The following MAGI2 variants were observed in gnomAD, a reference collection of about 807,000 sequenced individuals.
MAGI2 encodes the protein membrane-associated guanylate kinase, WW and PDZ domain-containing protein 2.
In MAGI2, 35 loss-of-function variants were observed where a neutral mutation model predicts 133.3. The ratio of observed to expected loss-of-function variants is 0.26; its 90% CI spans 0.20 to 0.35. The LOEUF (loss-of-function observed/expected upper bound fraction) is 0.35. MAGI2 is among the 10% of genes least tolerant of loss of function. The pLI, the probability that MAGI2 is intolerant of heterozygous loss-of-function variation, is 1.00. For synonymous variants in MAGI2, 729 were observed against 710.6 expected, an observed-to-expected ratio of 1.03 and a Z score of -0.41; for missense variants, 1,636 against 1,863.4, an observed-to-expected ratio of 0.88 and a Z score of 2.25.
chr7:78,576,795 T>C (rs934656443), intron 3 of MAGI2, among the ~76,000 whole-genome samples: 1 of 152,156 alleles, frequency 6.6e-6, no homozygotes, highest in African/African-American at 2.4e-5. Flanking sequence ...GTCTTCCATG[T>C]CATGTAAAAC....
chr7:79,354,913 C>T (rs10273381), intron 1 of MAGI2, among the ~76,000 whole-genome samples: 8 of 152,072 alleles, frequency 5.3e-5, no homozygotes, highest in Non-Finnish European at 1.0e-4. Context: ...TGGCTTTTTC[C>T]CCTGGACCCA....
In MAGI2 at chr7:79,361,895, C is replaced by T. The variant is rs895516218; in HGVS notation, c.301+91125G>A. ...AATATAAATGAAAACAAAAACATAA[C>T]ATATAAAAATATATGGGAAGCAGCT... On this transcript the variant is annotated intron_variant, in intron 1 of 21. Transcript: ENST00000354212. Among the ~76,000 whole-genome samples the T allele has an allele frequency of 9.9e-5, 15 of 151,794 alleles. No individual in the cohort carries two copies. The East Asian group carries it at 2.9e-3, about 29-fold the overall frequency.
chr7:78,799,323 T>C (rs1216126345), intron 2 of MAGI2, among the ~76,000 whole-genome samples: 3 of 152,172 alleles, frequency 2.0e-5, no homozygotes, highest in African/African-American at 7.2e-5. Context: ...GTTTGGCCTT[T>C]ATGAGCACCA....
At chr7:78,755,223 T>G (rs996876089) in intron 2 of MAGI2, among the ~76,000 whole-genome samples, 1 of 152,218 alleles carries the variant, frequency 6.6e-6, no homozygotes, top group Non-Finnish European at 1.5e-5. Flanking sequence ...TTTGTAAGTA[T>G]GTACGGTGGA....
intron 2 of MAGI2, among the ~76,000 whole-genome samples, chr7:78,702,957 C>T (rs367727450): frequency 1.3e-5 from 2 of 151,798 alleles, no homozygotes; most frequent in African/African-American, 4.8e-5. Flanking sequence ...AAAAGAATCA[C>T]CCAAGAAGAG....
chr7:78,626,700 C>G (rs1440269153), intron 3 of MAGI2, among the ~76,000 whole-genome samples: 2 of 151,754 alleles, frequency 1.3e-5, no homozygotes, highest in Non-Finnish European at 2.9e-5. Flanking sequence ...TTTGAGAAAG[C>G]CACACAGGGA....
chr7:78,212,994 C>G (rs1474559140), intron 10 of MAGI2, among the ~76,000 whole-genome samples: 1 of 152,168 alleles, frequency 6.6e-6, no homozygotes, highest in Non-Finnish European at 1.5e-5. Context: ...CTATTGTCCT[C>G]TGATATTTAG....
At chr7:79,150,325 G>A (rs1344809468) in intron 1 of MAGI2, among the ~76,000 whole-genome samples, 1 of 151,104 alleles carries the variant, frequency 6.6e-6, no homozygotes, top group East Asian at 1.9e-4. Flanking sequence ...TCCCAAAATA[G>A]CCAATGTTAA....
chr7:79,287,447 T>C (rs1836102790), intron 1 of MAGI2, among the ~76,000 whole-genome samples: 1 of 152,080 alleles, frequency 6.6e-6, no homozygotes, highest in Non-Finnish European at 1.5e-5. Context: ...TTGTGCAGAA[T>C]TGGGAGAGGG....
At position 78,350,929 on chromosome 7, in the gene MAGI2, G is replaced by A. The variant is rs1391714105; in HGVS notation, c.1104-4886C>T. ...GTTTTTGGAGACAGGCTCTTTTAGT[G>A]CATAGTCGTGGATGACACCTTTGCA... is the stretch of plus-strand genomic sequence containing the variant. On this transcript the variant is annotated intron_variant, in intron 7 of 21. Coordinates refer to ENST00000354212, the MANE Select transcript of MAGI2 (RefSeq NM_012301.4). 3.3e-5 allele frequency among the ~76,000 whole-genome samples: 5 copies of A among 152,274 alleles called. No individual in the cohort carries two copies. In the East Asian group the frequency reaches 9.6e-4, roughly 29 times the overall value.
chr7:78,559,170 C>CAAAAAAAAAAAAAAAAAA (rs1563168332), intron 3 of MAGI2, among the ~76,000 whole-genome samples: 1 of 32,598 alleles, frequency 3.1e-5, no homozygotes, highest in Non-Finnish European at 6.8e-5. Context: ...AAAAAAAAGC[C>CAAAAAAAAAAAAAAAAAA]AAAAAGAAAA....
chr7:78,528,419 A>G (rs1345471885), intron 3 of MAGI2, among the ~76,000 whole-genome samples: 1 of 152,212 alleles, frequency 6.6e-6, no homozygotes, highest in Non-Finnish European at 1.5e-5. Context: ...AAACTTTAAG[A>G]CATGTTTAAC....
At chr7:78,302,314 A>G (rs1797900052) in intron 9 of MAGI2, among the ~76,000 whole-genome samples, 1 of 152,196 alleles carries the variant, frequency 6.6e-6, no homozygotes, top group South Asian at 2.1e-4. Flanking sequence ...AGAGAAAAAA[A>G]ATTCAAAGAG....
intron 2 of MAGI2, among the ~76,000 whole-genome samples, chr7:78,989,879 C>G (rs1390421558): frequency 6.6e-6 from 1 of 151,956 alleles, no homozygotes; most frequent in Non-Finnish European, 1.5e-5. Context: ...ACTTTGCACT[C>G]TATTATCTAT....
At chr7:78,838,284 C>A (rs769680789) in intron 2 of MAGI2, among the ~76,000 whole-genome samples, 12 of 151,838 alleles carry the variant, frequency 7.9e-5, no homozygotes, top group Non-Finnish European at 1.3e-4. Flanking sequence ...AAAACTTGAA[C>A]ACGGCATGTA....
At chr7:78,159,346 C>T (rs552162821) in intron 16 of MAGI2, among the ~76,000 whole-genome samples, 1 of 152,158 alleles carries the variant, frequency 6.6e-6, no homozygotes, top group Non-Finnish European at 1.5e-5. Context: ...CTCCCCCACC[C>T]CCAACCCTTT....
Position 79,135,227 on chromosome 7 carries a change from G to A in MAGI2, c.302-128021C>T, listed in dbSNP as rs576116263. Among the ~76,000 whole-genome samples the A allele has an allele frequency of 1.6e-3, 247 of 151,604 alleles. 2 individuals carry two copies. Among genetic ancestry groups the A allele is most frequent in the African/African-American group, 5.5e-3 (228 of 41,260 alleles). On this transcript the variant is annotated intron_variant, in intron 1 of 21. Coordinates refer to ENST00000354212, the MANE Select transcript of MAGI2 (RefSeq NM_012301.4). The stretch of plus-strand genomic sequence containing the variant: ...TTGAGTGAGATAGTAAAAACTGTAG[G>A]AAAAAAAACAGTATCAGGGAAATGG...
chr7:79,143,482 C>T (rs980190351), intron 1 of MAGI2, among the ~76,000 whole-genome samples: 20 of 152,172 alleles, frequency 1.3e-4, no homozygotes, highest in African/African-American at 4.3e-4. Flanking sequence ...AGCACCTGTT[C>T]TGTCCAATTT....
intron 1 of MAGI2, among the ~76,000 whole-genome samples, chr7:79,445,052 C>G (rs959392916): frequency 5.9e-5 from 9 of 152,154 alleles, no homozygotes; most frequent in Non-Finnish European, 5.9e-5. Flanking sequence ...CTGAGAAAAA[C>G]AAGCAATGGG....
Sources: gnomAD v4.1 joint callset for allele counts (sites outside exome capture counted in the v4.1 genomes callset) on GRCh38, gnomAD v4.1.1 for gene constraint, MANE v1.5 for transcripts, NCBI Gene and HGNC (gene_info 2026-07-23, HGNC 2026-07-21) for gene names.